The following ARHGEF3 variants were observed in gnomAD, a reference collection of about 807,000 sequenced individuals.
ARHGEF3 encodes the protein 59.8 kDA protein.
Under a neutral mutation model 63.2 loss-of-function variants are expected in ARHGEF3, and 28 were observed. The ratio of observed to expected loss-of-function variants is 0.44; its 90% CI spans 0.33 to 0.61. The LOEUF (loss-of-function observed/expected upper bound fraction) is 0.61, where lower values mean the gene tolerates loss of function less well. ARHGEF3 is among the 20% of genes least tolerant of loss of function. The pLI is 0.03. For synonymous variants in ARHGEF3, 266 were observed against 254.2 expected (o/e 1.05, Z -0.44); for missense variants, 533 against 659.3 (o/e 0.81, Z 2.10).
intron 4 of ARHGEF3, among the ~76,000 whole-genome samples, chr3:56,828,036 G>C (rs2038796427): frequency 6.7e-6 from 1 of 148,358 alleles, no homozygotes. Context: ...AAGTACACCA[G>C]GAAAAAAAAA....
intron 1 of ARHGEF3, among the ~76,000 whole-genome samples, chr3:57,047,828 G>A (rs1704521669): frequency 6.6e-6 from 1 of 152,194 alleles, no homozygotes; most frequent in African/African-American, 2.4e-5. Context: ...GCAGGAGATA[G>A]AATCTGAAGC....
chr3:56,805,265 CA>C (rs2037821043), upstream of ARHGEF3, among the ~76,000 whole-genome samples: 1 of 152,124 alleles, frequency 6.6e-6, no homozygotes, highest in African/African-American at 2.4e-5. Context: ...AGACAGGTCT[CA>C]CTTTGTTGCC....
intron 2 of ARHGEF3, among the ~76,000 whole-genome samples, chr3:56,980,417 C>A (rs1228904470): frequency 6.6e-6 from 1 of 152,170 alleles, no homozygotes; most frequent in East Asian, 1.9e-4. Flanking sequence ...TATGGGGACT[C>A]AAAGTACAGT....
intron 3 of ARHGEF3, among the ~76,000 whole-genome samples, chr3:56,901,003 A>G (rs2108308373): frequency 6.6e-6 from 1 of 152,314 alleles, no homozygotes; most frequent in Admixed American, 6.5e-5. Flanking sequence ...ATGTGGCCAA[A>G]GAAGTTTTTG....
intron 1 of ARHGEF3, among the ~76,000 whole-genome samples, chr3:56,788,264 C>G (rs1326922886): frequency 6.6e-6 from 1 of 152,136 alleles, no homozygotes; most frequent in Non-Finnish European, 1.5e-5. Context: ...CAGTATTCCC[C>G]CTCCATAGTC....
chr3:56,924,539 C>T (rs755145589), intron 3 of ARHGEF3, among the ~76,000 whole-genome samples: 1 of 152,208 alleles, frequency 6.6e-6, no homozygotes, highest in African/African-American at 2.4e-5. Context: ...ACTCCATAGA[C>T]GGTTGCCCAT....
At chr3:56,954,754 G>A (rs1414002997) in intron 3 of ARHGEF3, among the ~76,000 whole-genome samples, 1 of 152,080 alleles carries the variant, frequency 6.6e-6, no homozygotes, top group Admixed American at 6.6e-5. Flanking sequence ...TCCGGGAAAG[G>A]GCTAAACCAC....
chr3:56,935,362 G>C (rs934859743), intron 3 of ARHGEF3, among the ~76,000 whole-genome samples: 1 of 152,190 alleles, frequency 6.6e-6, no homozygotes, highest in Non-Finnish European at 1.5e-5. Flanking sequence ...CCAATCAGCA[G>C]GATGTGGGTG....
intron 2 of ARHGEF3, among the ~76,000 whole-genome samples, chr3:56,759,875 C>G (rs1224994693): frequency 6.6e-6 from 1 of 152,184 alleles, no homozygotes; most frequent in African/African-American, 2.4e-5. Context: ...GTGAACAATT[C>G]AGTGCTATTT....
intron 1 of ARHGEF3, among the ~76,000 whole-genome samples, chr3:57,070,312 T>G (rs966658037): frequency 4.8e-5 from 7 of 146,898 alleles, no homozygotes; most frequent in African/African-American, 1.9e-4. Context: ...TTTCACAAAT[T>G]CAGGAGTTAA....
intron 3 of ARHGEF3, among the ~76,000 whole-genome samples, chr3:56,893,371 A>T (rs2041187264): frequency 6.6e-6 from 1 of 152,020 alleles, no homozygotes; most frequent in Non-Finnish European, 1.5e-5. Flanking sequence ...TAGAGATAGG[A>T]TCTGTTTTTG....
intron 3 of ARHGEF3, among the ~76,000 whole-genome samples, chr3:56,950,690 A>T (rs1341965178): frequency 6.6e-6 from 1 of 152,040 alleles, no homozygotes; most frequent in Non-Finnish European, 1.5e-5. Flanking sequence ...GGGACTGTAA[A>T]CTAGTCCAAC....
intron 1 of ARHGEF3, among the ~76,000 whole-genome samples, chr3:57,056,279 C>T (rs1420463646): frequency 2.0e-5 from 3 of 149,362 alleles, no homozygotes; most frequent in Non-Finnish European, 4.4e-5. Context: ...TCCAGCTACT[C>T]GGGAGGCTGA....
At chr3:56,850,610 C>T (rs569140385) in intron 4 of ARHGEF3, among the ~76,000 whole-genome samples, 7 of 152,258 alleles carry the variant, frequency 4.6e-5, no homozygotes, top group Non-Finnish European at 2.9e-5. Context: ...GGAAACAAAG[C>T]CCTCTAAGTT....
intron 1 of ARHGEF3, among the ~76,000 whole-genome samples, chr3:57,068,117 T>A (rs1293683983): frequency 6.6e-6 from 1 of 151,888 alleles, no homozygotes; most frequent in African/African-American, 2.4e-5. Flanking sequence ...TAGACACGCA[T>A]AGGGTAACTA....
At chr3:56,883,965 G>T (rs751172148) in intron 3 of ARHGEF3, among the ~76,000 whole-genome samples, 1 of 152,026 alleles carries the variant, frequency 6.6e-6, no homozygotes, top group African/African-American at 2.4e-5. Context: ...ATTTAACAAA[G>T]GTTTGTTGAG....
chr3:56,871,360 T>A (rs7634648), intron 4 of ARHGEF3, among the ~76,000 whole-genome samples: 1 of 152,076 alleles, frequency 6.6e-6, no homozygotes, highest in Non-Finnish European at 1.5e-5. Context: ...AAGCAGAAAA[T>A]ATTTTCTACT....
At chr3:57,020,582 A>G (rs1703216528) in intron 2 of ARHGEF3, among the ~76,000 whole-genome samples, 2 of 152,242 alleles carry the variant, frequency 1.3e-5, no homozygotes, top group Non-Finnish European at 2.9e-5. Context: ...CTGCTGGAAC[A>G]AGTGGGAATA....
At chr3:57,061,839 TACAG>T (rs1705238924) in intron 1 of ARHGEF3, among the ~76,000 whole-genome samples, 1 of 152,196 alleles carries the variant, frequency 6.6e-6, no homozygotes, top group Non-Finnish European at 1.5e-5. Context: ...ATCCCCATTT[TACAG>T]ACAAAGAACC....
Sources: gnomAD v4.1 joint callset for allele counts (sites outside exome capture counted in the v4.1 genomes callset) on GRCh38, gnomAD v4.1.1 for gene constraint, MANE v1.5 for transcripts, NCBI Gene and HGNC (gene_info 2026-07-23, HGNC 2026-07-21) for gene names.